IL1RAPL1: variants seen among roughly 807,000 people sequenced by gnomAD.
IL1RAPL1 encodes the protein interleukin-1 receptor accessory protein-like 1.
IL1RAPL1 carries 3 observed loss-of-function variants against 48.4 expected under a neutral mutation model. That is an observed-to-expected ratio of 0.06 (90% confidence interval 0.03 to 0.16). IL1RAPL1 has a LOEUF of 0.16. Among genes scored for constraint, IL1RAPL1 ranks in the 10% least tolerant of loss-of-function variants. IL1RAPL1 has a pLI of 1.00. For missense variants in IL1RAPL1, 349 were observed against 530.6 expected (o/e 0.66, Z 3.36); for synonymous variants, 185 against 187.7 (o/e 0.99, Z 0.12).
At chrX:29,276,819 G>A (rs542127319) in intron 2 of IL1RAPL1, among the ~76,000 whole-genome samples, 3 of 110,978 alleles carry the variant, frequency 2.7e-5, no homozygotes, top group African/African-American at 9.9e-5. Flanking sequence ...TCCAGTTTGA[G>A]ATTTAGATAT....
chrX:28,750,054 G>A (rs1286077529), intron 1 of IL1RAPL1, among the ~76,000 whole-genome samples: 1 of 108,813 alleles, frequency 9.2e-6, no homozygotes, highest in Non-Finnish European at 1.9e-5. Context: ...CCAGGTTCAA[G>A]CAATTCTCCT....
Position 29,149,810 on chromosome X carries a change from C to A in IL1RAPL1, c.83-133128C>A, listed in dbSNP as rs1199089631. Among the ~76,000 whole-genome samples the A allele has an allele frequency of 8.1e-5, 9 of 111,698 alleles. No individual in the cohort carries two copies. In the Admixed American group the frequency reaches 8.6e-4, roughly 11 times the overall value. ...GAAGATGTGGAGGCTGAAATTATAA[C>A]CCTGGGGATTCGTTGATTGTGATGT... On this transcript the variant is annotated intron_variant, in intron 2 of 10. Transcript: ENST00000378993.
chrX:29,402,538 T>C (rs748131532), intron 5 of IL1RAPL1, among the ~76,000 whole-genome samples: 207 of 112,109 alleles, frequency 1.8e-3, no homozygotes, highest in Non-Finnish European at 3.3e-3. Context: ...AGAAAAAACA[T>C]AGTAGAAATC....
At chrX:29,920,794 C>CAAAAAAA (rs1176529100) in intron 8 of IL1RAPL1, among the ~76,000 whole-genome samples, 4 of 31,621 alleles carry the variant, frequency 1.3e-4, no homozygotes, top group Non-Finnish European at 2.1e-4. Flanking sequence ...GACCCTGTCT[C>CAAAAAAA]AAAAAAAAAA....
chrX:28,978,823 T>C (rs1228281679), intron 2 of IL1RAPL1, among the ~76,000 whole-genome samples: 1 of 111,727 alleles, frequency 9.0e-6, no homozygotes, highest in Non-Finnish European at 1.9e-5. Flanking sequence ...TTCAAAAAAG[T>C]GTTTACAATA....
At chrX:29,590,410 T>C (rs1923329434) in intron 5 of IL1RAPL1, among the ~76,000 whole-genome samples, 1 of 111,699 alleles carries the variant, frequency 9.0e-6, no homozygotes, top group African/African-American at 3.3e-5. Context: ...AGGCCTAAAT[T>C]TGGGTAGTCT....
rs574264740 is a variant in IL1RAPL1, at chrX:29,804,492, CTG to C, written c.779-112970_779-112969del. Among the ~76,000 whole-genome samples the C allele has an allele frequency of 1.2e-4, 13 of 111,365 alleles. No individual in the cohort carries two copies. In the South Asian group the frequency reaches 1.9e-3, roughly 16 times the overall value. On this transcript the variant is annotated intron_variant, in intron 6 of 10. Coordinates refer to ENST00000378993, the MANE Select transcript of IL1RAPL1 (RefSeq NM_014271.4). ...AATCATGGGGGCAGTTTCCTCCATTCTGTTTTTGTGGTAGTGAGTAAGTCTCT... is the reference window on the plus strand; with the variant it reads ...AATCATGGGGGCAGTTTCCTCCATTCTTTTTGTGGTAGTGAGTAAGTCTCT...
At chrX:28,788,623 C>T (rs918180770) in intron 1 of IL1RAPL1, among the ~76,000 whole-genome samples, 9 of 92,416 alleles carry the variant, frequency 9.7e-5, no homozygotes, top group Non-Finnish European at 1.5e-4. Flanking sequence ...CACTCCACCA[C>T]GCCCAGCTAT....
intron 1 of IL1RAPL1, among the ~76,000 whole-genome samples, chrX:28,700,489 G>C (rs914228232): frequency 9.1e-6 from 1 of 109,387 alleles, no homozygotes; most frequent in African/African-American, 3.3e-5. Flanking sequence ...TCAAGATTAC[G>C]CAGCTGAGGG....
At chrX:29,221,638 C>CAT (rs2147550287) in intron 2 of IL1RAPL1, among the ~76,000 whole-genome samples, 1 of 81,574 alleles carries the variant, frequency 1.2e-5, no homozygotes, top group African/African-American at 5.8e-5. Flanking sequence ...CACACACACA[C>CAT]ACACACACAC....
At chrX:29,749,309 C>A (rs761642654) in intron 6 of IL1RAPL1, among the ~76,000 whole-genome samples, 1 of 111,885 alleles carries the variant, frequency 8.9e-6, no homozygotes, top group African/African-American at 3.2e-5. Context: ...ATTTTTGTCA[C>A]CATTTTTAAA....
chrX:29,215,968 G>T (rs1313365396), intron 2 of IL1RAPL1, among the ~76,000 whole-genome samples: 1 of 110,325 alleles, frequency 9.1e-6, no homozygotes, highest in East Asian at 2.8e-4. Flanking sequence ...GTATCTCCTG[G>T]CCCCTCCTTC....
At chrX:29,295,717 T>C (rs996618449) in intron 3 of IL1RAPL1, among the ~76,000 whole-genome samples, 2 of 111,639 alleles carry the variant, frequency 1.8e-5, no homozygotes, top group Non-Finnish European at 3.8e-5. Flanking sequence ...CTATAGGGTA[T>C]GGTCTTCATC....
At chrX:29,276,642 T>A (rs1262733395) in intron 2 of IL1RAPL1, among the ~76,000 whole-genome samples, 2 of 111,714 alleles carry the variant, frequency 1.8e-5, no homozygotes, top group Non-Finnish European at 3.8e-5. Flanking sequence ...TATATATAGA[T>A]ATGGAAATAG....
chrX:29,393,257 G>A (rs1933877934), intron 3 of IL1RAPL1, among the ~76,000 whole-genome samples: 1 of 111,659 alleles, frequency 9.0e-6, no homozygotes, highest in African/African-American at 3.3e-5. Context: ...GAGTAGCTGG[G>A]ACTACAGGCG....
intron 6 of IL1RAPL1, among the ~76,000 whole-genome samples, chrX:29,812,365 C>T (rs928088970): frequency 5.4e-4 from 61 of 111,956 alleles, no homozygotes; most frequent in Admixed American, 1.6e-3. Context: ...CTTTTCTCAT[C>T]ACATTTTTTT....
chrX:29,674,412 C>T lies in IL1RAPL1; in HGVS notation c.778+5908C>T, dbSNP rs144405467. On this transcript the variant is annotated intron_variant, in intron 6 of 10. Coordinates refer to ENST00000378993, the MANE Select transcript of IL1RAPL1 (RefSeq NM_014271.4). ...CTGCGCTCCAGCCTCGGTGACAGAG[C>T]GAGACCTTGTCTCCAAAAATAAAAA... Among the ~76,000 whole-genome samples, 599 of 111,130 alleles carry T rather than the reference C, an allele frequency of 5.4e-3. 3 individuals are homozygous for T. Among genetic ancestry groups the T allele is most frequent in the African/African-American group, 0.018 (560 of 30,566 alleles).
intron 6 of IL1RAPL1, among the ~76,000 whole-genome samples, chrX:29,911,928 A>AGAGAT (rs1185869711): frequency 4.1e-4 from 46 of 112,219 alleles, no homozygotes; most frequent in African/African-American, 1.4e-3. Context: ...ATAGTTGAGA[A>AGAGAT]GAGATGTGCA....
intron 5 of IL1RAPL1, among the ~76,000 whole-genome samples, chrX:29,543,588 A>G (rs1921512444): frequency 1.6e-5 from 1 of 63,435 alleles, no homozygotes; most frequent in Non-Finnish European, 2.9e-5. Context: ...TTTAAACAAA[A>G]GACATATATA....
Sources: gnomAD v4.1 joint callset for allele counts (sites outside exome capture counted in the v4.1 genomes callset) on GRCh38, gnomAD v4.1.1 for gene constraint, MANE v1.5 for transcripts, NCBI Gene and HGNC (gene_info 2026-07-23, HGNC 2026-07-21) for gene names.